The following NRXN1 variants were observed in gnomAD, a reference collection of about 807,000 sequenced individuals.
NRXN1 encodes neurexin 1, also known as neurexin-1.
In NRXN1, 39 loss-of-function variants were observed where a neutral mutation model predicts 150.9. That is an observed-to-expected ratio of 0.26 (90% CI 0.20 to 0.34). The LOEUF (loss-of-function observed/expected upper bound fraction) is 0.34. NRXN1 is among the 10% of genes least tolerant of loss of function. The pLI is 1.00. For missense variants in NRXN1, 1,815 were observed against 1,949.9 expected, an observed-to-expected ratio of 0.93 and a Z score of 1.30; for synonymous variants, 924 against 757.0, an observed-to-expected ratio of 1.22 and a Z score of -3.62.
At chr2:50,996,454 T>C (rs188782480) in intron 2 of NRXN1, among the ~76,000 whole-genome samples, 23 of 152,228 alleles carry the variant, frequency 1.5e-4, no homozygotes, top group South Asian at 2.1e-4. Flanking sequence ...CATGTATGTA[T>C]GTATTTATAT....
intron 5 of NRXN1, among the ~76,000 whole-genome samples, chr2:50,679,371 C>T (rs1690023803): frequency 2.0e-5 from 3 of 152,020 alleles, no homozygotes; most frequent in African/African-American, 7.3e-5. Flanking sequence ...AAGAAGAACA[C>T]CAAGAAGTAA....
At chr2:50,797,899 G>A (rs1707065394) in intron 5 of NRXN1, among the ~76,000 whole-genome samples, 2 of 152,158 alleles carry the variant, frequency 1.3e-5, no homozygotes, top group South Asian at 4.1e-4. Flanking sequence ...AGTTCCCAGT[G>A]TAAGCTAAAA....
chr2:50,551,240 A>G (rs1399652920), intron 9 of NRXN1: 1 of 152,296 alleles, frequency 6.6e-6, no homozygotes, highest in African/African-American at 2.4e-5. Context: ...AGTCTCCAAT[A>G]TATCTGGGAA....
chr2:50,424,885 T>C (rs2084355676), intron 17 of NRXN1, among the ~76,000 whole-genome samples: 1 of 152,170 alleles, frequency 6.6e-6, no homozygotes, highest in Non-Finnish European at 1.5e-5. Context: ...TTGCATAATA[T>C]TTTTCTGTTA....
chr2:50,371,115 T>C (rs1199554607), intron 17 of NRXN1, among the ~76,000 whole-genome samples: 1 of 152,038 alleles, frequency 6.6e-6, no homozygotes, highest in Non-Finnish European at 1.5e-5. Context: ...TCTTTGTCGA[T>C]TGAGGGCAGT....
chr2:50,051,895 A>AT (rs1402432185), intron 21 of NRXN1, among the ~76,000 whole-genome samples: 1 of 152,102 alleles, frequency 6.6e-6, no homozygotes, highest in Non-Finnish European at 1.5e-5. Context: ...TTGTAGCCAC[A>AT]TGCAAATAGG....
intron 5 of NRXN1, among the ~76,000 whole-genome samples, chr2:50,766,820 C>T (rs1702439319): frequency 6.6e-6 from 1 of 151,910 alleles, no homozygotes; most frequent in South Asian, 2.1e-4. Flanking sequence ...GTGTGAAGTT[C>T]AGCATTACAA....
chr2:51,015,339 C>T (rs1303042255), intron 2 of NRXN1, among the ~76,000 whole-genome samples: 2 of 152,076 alleles, frequency 1.3e-5, no homozygotes, highest in African/African-American at 4.8e-5. Flanking sequence ...ATCTTTCCAT[C>T]CTCCACCTCC....
chr2:50,478,518 C>T (rs1025089763), intron 15 of NRXN1, among the ~76,000 whole-genome samples: 10 of 152,160 alleles, frequency 6.6e-5, no homozygotes, highest in African/African-American at 1.9e-4. Context: ...ATTTTAGAAA[C>T]TCTCCGCTGA....
At chr2:50,789,867 T>G (rs1049555457) in intron 5 of NRXN1, among the ~76,000 whole-genome samples, 6 of 152,170 alleles carry the variant, frequency 3.9e-5, no homozygotes, top group Admixed American at 1.3e-4. Context: ...TTTTAAACCT[T>G]AAATTCTCCC....
rs759441978 is a variant in NRXN1 at position 50,471,152 on chromosome 2, T to G, written c.3244+1146A>C. Among the ~76,000 whole-genome samples, 4 of 151,802 alleles carry G rather than the reference T, an allele frequency of 2.6e-5. No homozygotes were observed. In the East Asian group the frequency reaches 7.7e-4, roughly 29 times the overall value. ...GGTGTACAAGTGGTTTTCGGTTACA[T>G]GGATGAACTATATAGTCGTGAAGTC... On this transcript the variant is annotated intron_variant, in intron 16 of 22. Coordinates refer to ENST00000401669, the MANE Select transcript of NRXN1 (RefSeq NM_001330078.2).
chr2:50,184,069 G>C (rs1017213231), intron 18 of NRXN1, among the ~76,000 whole-genome samples: 1 of 151,918 alleles, frequency 6.6e-6, no homozygotes, highest in Non-Finnish European at 1.5e-5. Flanking sequence ...TAAAAAGTTC[G>C]ACAGGAAGTT....
At chr2:50,219,070 C>T (rs902281939) in intron 18 of NRXN1, among the ~76,000 whole-genome samples, 43 of 151,990 alleles carry the variant, frequency 2.8e-4, no homozygotes, top group Admixed American at 2.5e-3. Flanking sequence ...GAATAGTTAT[C>T]GTACTTCAAA....
chr2:50,291,647 A>T (rs137937829), intron 17 of NRXN1, among the ~76,000 whole-genome samples: 4 of 152,302 alleles, frequency 2.6e-5, no homozygotes, highest in African/African-American at 9.6e-5. Context: ...TCAGGAGATG[A>T]GTGTCCTGCT....
intron 17 of NRXN1, among the ~76,000 whole-genome samples, chr2:50,260,775 T>G (rs184996507): frequency 3.3e-5 from 5 of 151,260 alleles, no homozygotes; most frequent in African/African-American, 1.2e-4. Context: ...AACTAAACCA[T>G]AGCAGCTTAA....
At position 50,594,755 on chromosome 2, in the gene NRXN1, G is replaced by A. The variant is rs569425201; in HGVS notation, c.1320+25267C>T. 3.3e-5 allele frequency among the ~76,000 whole-genome samples: 5 copies of A among 152,148 alleles called. No homozygotes were observed. The South Asian group carries it at 8.3e-4, about 25-fold the overall frequency. The stretch of plus-strand genomic sequence containing the variant: ...CAGCATTTTGAATCCTATAAAGAGA[G>A]GACAATCCTGGGGACTTCCTTGTTT... On this transcript the variant is annotated intron_variant, in intron 8 of 22. Transcript: ENST00000401669.
chr2:50,388,460 C>A (rs531556056), intron 17 of NRXN1, among the ~76,000 whole-genome samples: 2 of 152,044 alleles, frequency 1.3e-5, no homozygotes, highest in Non-Finnish European at 2.9e-5. Context: ...CTTTCATAGC[C>A]ACTTGGAACA....
chr2:50,044,838 T>A (rs576915211), intron 21 of NRXN1, among the ~76,000 whole-genome samples: 1 of 152,332 alleles, frequency 6.6e-6, no homozygotes, highest in Non-Finnish European at 1.5e-5. Flanking sequence ...TTTGCAAATT[T>A]GTAATTCTAA....
rs1282037047 is a variant in NRXN1 at position 50,921,596 on chromosome 2, G to C, written c.832+273C>G. On this transcript the variant is annotated intron_variant, in intron 5 of 22. Coordinates refer to ENST00000401669, the MANE Select transcript of NRXN1 (RefSeq NM_001330078.2). ...ACCATTAAATGATACTGCAGAAACT[G>C]ACACCGAAACTTGTAGCTAATTTCT... is the stretch of plus-strand genomic sequence containing the variant. Among the ~76,000 whole-genome samples the C allele has an allele frequency of 2.6e-5, 4 of 151,506 alleles. No homozygotes were observed. In the East Asian group the frequency reaches 7.8e-4, roughly 30 times the overall value.
Sources: allele counts gnomAD v4.1 joint callset (sites outside exome capture counted in the v4.1 genomes callset), GRCh38; gene constraint gnomAD v4.1.1; transcripts MANE v1.5; gene names NCBI Gene and HGNC (gene_info 2026-07-23, HGNC 2026-07-21).